Variants in DRG1 observed in about 807,000 individuals in gnomAD.
DRG1 encodes the protein developmentally-regulated GTP-binding protein 1.
DRG1 carries 19 observed loss-of-function variants against 38.8 expected under a neutral mutation model. The ratio of observed to expected loss-of-function variants is 0.49; its 90% CI spans 0.34 to 0.72. The LOEUF (loss-of-function observed/expected upper bound fraction) is 0.72, where lower values mean the gene tolerates loss of function less well. DRG1 is among the 30% of genes least tolerant of loss of function. DRG1 has a pLI of 0.01. For missense variants in DRG1, 299 were observed against 444.8 expected (o/e 0.67, Z 2.95); for synonymous variants, 167 against 157.5 (o/e 1.06, Z -0.45).
At chr22:31,403,231 G>A (rs2049972339) in intron 3 of DRG1, 27 bp downstream of exon 3, 1 of 1,575,146 alleles carries the variant, frequency 6.3e-7, no homozygotes, top group Non-Finnish European at 8.6e-7. Flanking sequence ...GACTAAGGAA[G>A]GAAAGAAATC....
chr22:31,424,542 G>A (rs191222692), intron 6 of DRG1, among the ~76,000 whole-genome samples: 1,467 of 127,874 alleles, frequency 0.011, 10 homozygotes, highest in Middle Eastern at 0.036. Context: ...TCTGTCACCT[G>A]GGCTGGAGTA....
intron 1 of DRG1, among the ~76,000 whole-genome samples, 178 bp downstream of exon 1, chr22:31,399,903 G>A (rs1051476663): frequency 6.6e-6 from 1 of 152,098 alleles, no homozygotes; most frequent in African/African-American, 2.4e-5. Flanking sequence ...ACTCTCCTCA[G>A]TCAGGGCCCC....
Position 31,427,047 on chromosome 22 carries a change from C to T in DRG1, c.882-13C>T, listed in dbSNP as rs1459750802. The T allele has an allele frequency of 1.2e-6, 2 of 1,613,384 alleles. No homozygotes were observed. Among genetic ancestry groups the T allele is most frequent in the Non-Finnish European group, 1.7e-6 (2 of 1,179,682 alleles). The stretch of plus-strand genomic sequence containing the variant: ...CTAAGAAGGCAGTAATCTTTATGCC[C>T]TCTCTATTCTAGTTACACCAAACCC... On this transcript the variant is annotated splice_polypyrimidine_tract_variant and intron_variant, in intron 7 of 8. Transcript: ENST00000331457.
At chr22:31,404,732 C>G (rs528774432) in intron 3 of DRG1, among the ~76,000 whole-genome samples, 1 of 152,166 alleles carries the variant, frequency 6.6e-6, no homozygotes, top group African/African-American at 2.4e-5. Context: ...AGCAATTCTC[C>G]TGCCTCAGTC....
intron 3 of DRG1, among the ~76,000 whole-genome samples, chr22:31,408,864 G>A (rs1798103533): frequency 2.0e-5 from 3 of 151,504 alleles, no homozygotes; most frequent in Admixed American, 1.3e-4. Context: ...TAGACCCTTG[G>A]TATTTTTAGA....
intron 2 of DRG1, among the ~76,000 whole-genome samples, chr22:31,401,983 G>A (rs1028816064): frequency 1.3e-5 from 2 of 151,854 alleles, no homozygotes; most frequent in South Asian, 4.2e-4. Context: ...CCTGGGAGGT[G>A]GAAGTTGCAG....
At chr22:31,410,481 C>A (rs1405265399) in intron 3 of DRG1, among the ~76,000 whole-genome samples, 1 of 151,566 alleles carries the variant, frequency 6.6e-6, no homozygotes, top group East Asian at 1.9e-4. Context: ...ACAAAAAACG[C>A]CTATAGGCTG....
At chr22:31,432,276 C>T (rs1360244746) in intron 8 of DRG1, among the ~76,000 whole-genome samples, 1 of 151,894 alleles carries the variant, frequency 6.6e-6, no homozygotes, top group Non-Finnish European at 1.5e-5. Flanking sequence ...AGGGTTTCTC[C>T]ATGCTGCCCA....
chr22:31,410,721 A>G (rs1301473372), intron 3 of DRG1, among the ~76,000 whole-genome samples: 8 of 152,022 alleles, frequency 5.3e-5, no homozygotes, highest in Admixed American at 5.3e-4. Flanking sequence ...AGGCTGAGGC[A>G]GGAGAATCCC....
At chr22:31,411,105 C>T (rs1438221016) in intron 4 of DRG1, 24 bp downstream of exon 4, 3 of 1,611,720 alleles carry the variant, frequency 1.9e-6, no homozygotes, top group African/African-American at 1.3e-5. Context: ...GTGCCACCAT[C>T]CTGGGATATC....
At position 31,423,397 on chromosome 22, in the gene DRG1, G is replaced by T; in HGVS notation, c.700G>T (p.Val234Leu). ...DATADDLIDVVEGNRVYIPCI... is the reference protein window; with the variant it reads ...DATADDLIDVLEGNRVYIPCI... ...TACAGCTGATGACCTCATTGATGTGGTGGAAGGAAACAGGTACTGACTGAG... is the reference window on the plus strand; with the variant it reads ...TACAGCTGATGACCTCATTGATGTGTTGGAAGGAAACAGGTACTGACTGAG... The change falls in exon 6 of 9, where the codon GTG (valine) becomes TTG (leucine). Residue 234 changes from valine to leucine, a missense_variant. By Grantham distance (32) the Val-to-Leu change is conservative. This residue lies in a region of DRG1 where 198 missense variants were observed against 268.1 expected (regional missense o/e 0.74). Coordinates refer to ENST00000331457, the MANE Select transcript of DRG1 (RefSeq NM_004147.4). 1 of 1,614,134 alleles carries T rather than the reference G, an allele frequency of 6.2e-7. No homozygotes were observed. Among genetic ancestry groups the T allele is most frequent in the Non-Finnish European group, 8.5e-7 (1 of 1,180,038 alleles).
At chr22:31,412,935 T>A (rs2050025780) in intron 4 of DRG1, among the ~76,000 whole-genome samples, 1 of 151,906 alleles carries the variant, frequency 6.6e-6, no homozygotes, top group African/African-American at 2.4e-5. Context: ...AATTTCCATC[T>A]CCCTTTCCTG....
chr22:31,409,536 G>A (rs551316222), intron 3 of DRG1, among the ~76,000 whole-genome samples: 10 of 152,090 alleles, frequency 6.6e-5, no homozygotes, highest in Non-Finnish European at 1.0e-4. Flanking sequence ...CAGGTGATTC[G>A]GTTGTGCCTG....
At chr22:31,402,906 A>G (rs2049970996) in intron 2 of DRG1, 123 bp from the exon 3 acceptor site, 12 of 1,110,792 alleles carry the variant, frequency 1.1e-5, no homozygotes, top group Non-Finnish European at 1.3e-5. Flanking sequence ...TTTAAAGGTA[A>G]ACCATAAAAA....
intron 5 of DRG1, chr22:31,421,279 ATTT>A (rs201178656): frequency 5.0e-5 from 6 of 119,566 alleles, no homozygotes; most frequent in South Asian, 2.5e-4. Context: ...GGCTTGGCTA[ATTT>A]TTTTTTTTTT....
intron 8 of DRG1, among the ~76,000 whole-genome samples, chr22:31,428,187 T>C (rs1490903350): frequency 6.6e-6 from 1 of 151,698 alleles, no homozygotes; most frequent in Non-Finnish European, 1.5e-5. Context: ...TTTAGACCAA[T>C]AGCAAAGTTG....
chr22:31,410,907 C>A, intron 3 of DRG1, 105 bp from the exon 4 acceptor site: 1 of 1,174,272 alleles, frequency 8.5e-7, no homozygotes, highest in Non-Finnish European at 1.2e-6. Context: ...GGATTTGGGT[C>A]TGATAAATTA....
At position 31,405,674 on chromosome 22, in the gene DRG1, TG is replaced by T. The variant is rs1305598965; in HGVS notation, c.342+2471del. On this transcript the variant is annotated intron_variant, in intron 3 of 8. Coordinates refer to ENST00000331457, the MANE Select transcript of DRG1 (RefSeq NM_004147.4). ...AGGCTCATACTGTTGGGCATGTGTG[TG>T]TGTGTGGGGGGGTTTATTTATTTTT... 1.0e-4 allele frequency among the ~76,000 whole-genome samples: 15 copies of T among 149,284 alleles called. 1 individual carries two copies. The highest frequency in any genetic ancestry group is 9.4e-4 in the Admixed American group (14 of 14,906).
At chr22:31,408,988 A>G (rs371970179) in intron 3 of DRG1, among the ~76,000 whole-genome samples, 21 of 152,108 alleles carry the variant, frequency 1.4e-4, no homozygotes, top group African/African-American at 4.1e-4. Flanking sequence ...TGGTTTTTCA[A>G]TCACATCATT....
Sources: allele counts gnomAD v4.1 joint callset (sites outside exome capture counted in the v4.1 genomes callset), GRCh38; gene constraint gnomAD v4.1.1; regional missense constraint gnomAD v4.1.1; transcripts MANE v1.5; gene names NCBI Gene and HGNC (gene_info 2026-07-23, HGNC 2026-07-21).